Variants in ZBTB49 observed in about 807,000 individuals in gnomAD.
ZBTB49 encodes zinc finger and BTB domain containing 49.
Under a neutral mutation model 57.5 loss-of-function variants are expected in ZBTB49, and 43 were observed. The ratio of observed to expected loss-of-function variants is 0.75; its 90% confidence interval spans 0.59 to 0.97. ZBTB49 has a LOEUF of 0.97. ZBTB49 is among the 50% of genes least tolerant of loss of function. The pLI is 0.00. For synonymous variants in ZBTB49, 369 were observed against 362.1 expected (o/e 1.02, Z -0.22); for missense variants, 938 against 947.7 (o/e 0.99, Z 0.13).
chr4:4,291,004 G>A (rs140258026), intron 1 of ZBTB49, among the ~76,000 whole-genome samples: 1 of 152,326 alleles, frequency 6.6e-6, no homozygotes, highest in African/African-American at 2.4e-5. Flanking sequence ...GTCACTAGGT[G>A]TTTGTTGCTT....
At chr4:4,299,095 A>G (rs972119120) in intron 1 of ZBTB49, among the ~76,000 whole-genome samples, 5 of 152,202 alleles carry the variant, frequency 3.3e-5, no homozygotes, top group African/African-American at 1.2e-4. Context: ...CAGGGTTCAT[A>G]ACAAGTCCCG....
At chr4:4,295,510 GTAAA>G (rs1560104164) in intron 1 of ZBTB49, among the ~76,000 whole-genome samples, 1 of 152,128 alleles carries the variant, frequency 6.6e-6, no homozygotes, top group Non-Finnish European at 1.5e-5. Flanking sequence ...CAGGTCTGTG[GTAAA>G]TAGTCAGTAA....
At chr4:4,315,512 C>G (rs1721152115) in intron 5 of ZBTB49, 124 bp from the exon 6 acceptor site, 1 of 892,848 alleles carries the variant, frequency 1.1e-6, no homozygotes, top group Non-Finnish European at 1.7e-6. Flanking sequence ...TGAAACCAGT[C>G]CAGTTCACGT....
chr4:4,310,616 T>C (rs530802534), intron 4 of ZBTB49, among the ~76,000 whole-genome samples: 29 of 151,464 alleles, frequency 1.9e-4, no homozygotes, highest in Non-Finnish European at 3.7e-4. Flanking sequence ...TTCACGCCAT[T>C]CTCCTGCCTC....
chr4:4,298,457 G>A (rs1303424829), intron 1 of ZBTB49, among the ~76,000 whole-genome samples: 1 of 82,226 alleles, frequency 1.2e-5, no homozygotes, highest in Non-Finnish European at 3.3e-5. Flanking sequence ...GTCTCTCTCT[G>A]TCACCCAGGC....
chr4:4,320,524 C>T, intron 7 of ZBTB49, 116 bp from the exon 8 acceptor site: 1 of 1,333,102 alleles, frequency 7.5e-7, no homozygotes, highest in Non-Finnish European at 1.0e-6. Flanking sequence ...CCTGTCGTCC[C>T]AGCTACTTGA....
chr4:4,296,515 A>G (rs979039487), intron 1 of ZBTB49, among the ~76,000 whole-genome samples: 2 of 152,212 alleles, frequency 1.3e-5, no homozygotes, highest in Non-Finnish European at 2.9e-5. Flanking sequence ...CATGTAGGAC[A>G]TGACTTGCTC....
chr4:4,309,718 A>G (rs1410116320), intron 4 of ZBTB49, among the ~76,000 whole-genome samples: 4 of 152,238 alleles, frequency 2.6e-5, no homozygotes, highest in Admixed American at 6.5e-5. Context: ...ATGTGGACTC[A>G]TGCCAGAGGT....
Position 4,321,748 on chromosome 4 carries a change from A to G in ZBTB49, c.*432A>G, listed in dbSNP as rs1210544145. The G allele has an allele frequency of 5.7e-6, 1 of 176,364 alleles. No homozygotes were observed. Among genetic ancestry groups the G allele is most frequent in the Non-Finnish European group, 1.2e-5 (1 of 84,946 alleles). 10.9% of individuals were successfully genotyped at this position (176,364 alleles called of 1,614,324 possible). On this transcript the variant is annotated 3_prime_UTR_variant, in exon 8 of 8. Transcript: ENST00000337872. ...TTTATTTGTATATGAAACTCATACC[A>G]TAATTTAATTCGAATAAATGAAACT...
At chr4:4,294,741 C>A (rs919428017) in intron 1 of ZBTB49, among the ~76,000 whole-genome samples, 1 of 152,038 alleles carries the variant, frequency 6.6e-6, no homozygotes, top group African/African-American at 2.4e-5. Context: ...ATAACTTTTT[C>A]CTTTATCACT....
intron 4 of ZBTB49, among the ~76,000 whole-genome samples, chr4:4,309,833 T>G (rs1213650998): frequency 6.6e-6 from 1 of 152,242 alleles, no homozygotes; most frequent in Non-Finnish European, 1.5e-5. Context: ...GCCACACCTT[T>G]ACCGTTGAAT....
At chr4:4,291,177 T>G (rs1043053699) in intron 1 of ZBTB49, among the ~76,000 whole-genome samples, 1 of 152,238 alleles carries the variant, frequency 6.6e-6, no homozygotes, top group Non-Finnish European at 1.5e-5. Flanking sequence ...AACAAAATAC[T>G]GGGTGGCTTA....
At chr4:4,296,162 G>A (rs1720190372) in intron 1 of ZBTB49, among the ~76,000 whole-genome samples, 1 of 152,186 alleles carries the variant, frequency 6.6e-6, no homozygotes, top group African/African-American at 2.4e-5. Flanking sequence ...GGACAGGAGG[G>A]ATTTCAGGAT....
chr4:4,309,123 C>T lies in ZBTB49; in HGVS notation c.1302+2939C>T, dbSNP rs530555526. ...GAATGCTGTTGTATAAAAACATTTA[C>T]AAATAAGAATCCCTCATCCTGCTTA... On this transcript the variant is annotated intron_variant, in intron 4 of 7. Transcript: ENST00000337872. 2.4e-3 allele frequency among the ~76,000 whole-genome samples: 358 copies of T among 152,330 alleles called. 3 individuals carry two copies. Among genetic ancestry groups the T allele is most frequent in the African/African-American group, 8.2e-3 (343 of 41,582 alleles).
intron 1 of ZBTB49, among the ~76,000 whole-genome samples, chr4:4,291,237 A>G (rs1263446462): frequency 6.6e-6 from 1 of 152,242 alleles, no homozygotes; most frequent in Non-Finnish European, 1.5e-5. Flanking sequence ...TAGAAGTCCA[A>G]GATCAAGGTG....
At chr4:4,294,883 G>A (rs1472218956) in intron 1 of ZBTB49, among the ~76,000 whole-genome samples, 10 of 147,632 alleles carry the variant, frequency 6.8e-5, no homozygotes, top group Admixed American at 3.4e-4. Flanking sequence ...GTGTGTGTGT[G>A]TGTGTGTGTG....
At chr4:4,318,218 C>CATGACTA (rs1331368269) in intron 7 of ZBTB49, among the ~76,000 whole-genome samples, 1 of 152,218 alleles carries the variant, frequency 6.6e-6, no homozygotes, top group African/African-American at 2.4e-5. Context: ...GAAACTCTGT[C>CATGACTA]ATGACTAAAA....
At chr4:4,296,691 G>A (rs559658127) in intron 1 of ZBTB49, among the ~76,000 whole-genome samples, 8 of 152,238 alleles carry the variant, frequency 5.3e-5, no homozygotes, top group Non-Finnish European at 1.0e-4. Flanking sequence ...TCATGAGAAA[G>A]TAAAGTGGGG....
intron 1 of ZBTB49, among the ~76,000 whole-genome samples, chr4:4,293,644 T>C (rs1472042250): frequency 6.6e-6 from 1 of 152,254 alleles, no homozygotes; most frequent in African/African-American, 2.4e-5. Flanking sequence ...AGGTGTCAGC[T>C]GAGAAATTCT....
Sources: gnomAD v4.1 joint callset for allele counts (sites outside exome capture counted in the v4.1 genomes callset) on GRCh38, gnomAD v4.1.1 for gene constraint, MANE v1.5 for transcripts, NCBI Gene and HGNC (gene_info 2026-07-23, HGNC 2026-07-21) for gene names.